The following ASTN2 variants were observed in gnomAD, a reference collection of about 807,000 sequenced individuals.
ASTN2 encodes astrotactin 2, also known as astrotactin-2.
In ASTN2, 54 loss-of-function variants were observed where a neutral mutation model predicts 139.8. The ratio of observed to expected loss-of-function variants is 0.39; its 90% CI spans 0.31 to 0.48. The LOEUF (loss-of-function observed/expected upper bound fraction) is 0.48, where lower values mean the gene tolerates loss of function less well. Ranked by LOEUF, ASTN2 falls within the 20% of genes least tolerant of loss-of-function variation. The pLI is 0.95. For synonymous variants in ASTN2, 756 were observed against 719.5 expected (o/e 1.05, Z -0.81); for missense variants, 1,565 against 1,725.1 (o/e 0.91, Z 1.64).
At chr9:117,231,162 A>T (rs1588113614) in intron 2 of ASTN2, among the ~76,000 whole-genome samples, 1 of 152,326 alleles carries the variant, frequency 6.6e-6, no homozygotes, top group East Asian at 1.9e-4. Context: ...CTTGTCTGTG[A>T]AGTGATGTTA....
chr9:116,509,182 T>C (rs1265399571), intron 19 of ASTN2, among the ~76,000 whole-genome samples: 2 of 152,140 alleles, frequency 1.3e-5, no homozygotes, highest in Non-Finnish European at 2.9e-5. Context: ...CGACAGGCCC[T>C]GGCGTGTGAT....
intron 1 of ASTN2, among the ~76,000 whole-genome samples, chr9:117,317,592 A>C (rs1054660471): frequency 1.3e-5 from 2 of 152,200 alleles, no homozygotes; most frequent in Non-Finnish European, 2.9e-5. Flanking sequence ...ACATCTCCAG[A>C]TACCCGGCTC....
intron 10 of ASTN2, among the ~76,000 whole-genome samples, chr9:116,950,334 G>A (rs553617739): frequency 2.6e-4 from 39 of 152,238 alleles, no homozygotes; most frequent in African/African-American, 8.4e-4. Context: ...TGTGATAAAG[G>A]AAGTAATTTT....
At chr9:116,640,676 C>T (rs905450856) in intron 17 of ASTN2, among the ~76,000 whole-genome samples, 13 of 152,170 alleles carry the variant, frequency 8.5e-5, no homozygotes, top group Admixed American at 3.3e-4. Context: ...GGTTTCCGCC[C>T]AAGCAGCCCC....
At chr9:117,080,839 C>T (rs1444088915) in intron 5 of ASTN2, among the ~76,000 whole-genome samples, 2 of 152,032 alleles carry the variant, frequency 1.3e-5, no homozygotes, top group Non-Finnish European at 2.9e-5. Flanking sequence ...ACCCCTGACA[C>T]CCCAGAGAAC....
chr9:116,473,833 C>T (rs1349292491), intron 20 of ASTN2, among the ~76,000 whole-genome samples: 3 of 151,368 alleles, frequency 2.0e-5, no homozygotes, highest in East Asian at 1.9e-4. Flanking sequence ...ACCCAGGAAG[C>T]GGAGGTTGCA....
In ASTN2 at chr9:117,369,954, TA is replaced by T. The variant is rs941093114; in HGVS notation, c.442+44542del. On this transcript the variant is annotated intron_variant, in intron 1 of 22. Transcript: ENST00000313400. ...GGCCCAGGTTGCCTCTTTATTACATTAAAAAAAAATTCATATTTGTCATGGC... is the reference window on the plus strand; with the variant it reads ...GGCCCAGGTTGCCTCTTTATTACATTAAAAAAAATTCATATTTGTCATGGC... Among the ~76,000 whole-genome samples, 141 of 151,666 alleles carry T rather than the reference TA, an allele frequency of 9.3e-4. 1 individual carries two copies. Among genetic ancestry groups the T allele is most frequent in the South Asian group, 8.4e-4 (4 of 4,776 alleles).
intron 2 of ASTN2, among the ~76,000 whole-genome samples, chr9:117,260,726 C>T (rs1354989605): frequency 1.3e-5 from 2 of 151,952 alleles, no homozygotes; most frequent in Non-Finnish European, 2.9e-5. Context: ...ACTGTGTGAC[C>T]TGGAGCCATC....
chr9:117,147,982 A>T (rs747332384), intron 3 of ASTN2, among the ~76,000 whole-genome samples: 1 of 152,160 alleles, frequency 6.6e-6, no homozygotes, highest in Non-Finnish European at 1.5e-5. Context: ...CTAGGCAAAG[A>T]GCCCTAGGAA....
At chr9:116,642,731 A>G (rs1190213556) in intron 17 of ASTN2, among the ~76,000 whole-genome samples, 1 of 152,156 alleles carries the variant, frequency 6.6e-6, no homozygotes, top group Non-Finnish European at 1.5e-5. Context: ...CCTTGCCATA[A>G]AATCAGTCCT....
chr9:117,375,682 C>T (rs1830103519), intron 1 of ASTN2, among the ~76,000 whole-genome samples: 1 of 152,174 alleles, frequency 6.6e-6, no homozygotes, highest in Non-Finnish European at 1.5e-5. Flanking sequence ...TTTAAGCCCA[C>T]CACTTAGTGA....
At chr9:116,942,117 A>G (rs1348810182) in intron 10 of ASTN2, among the ~76,000 whole-genome samples, 4 of 149,894 alleles carry the variant, frequency 2.7e-5, no homozygotes, top group Non-Finnish European at 5.9e-5. Flanking sequence ...CACACACACC[A>G]CACACACACA....
At chr9:116,630,854 T>G (rs560097423) in intron 17 of ASTN2, among the ~76,000 whole-genome samples, 1 of 151,104 alleles carries the variant, frequency 6.6e-6, no homozygotes, top group African/African-American at 2.4e-5. Context: ...AGCAAAAAAA[T>G]CCCAAAACAG....
intron 6 of ASTN2, among the ~76,000 whole-genome samples, chr9:117,011,979 TG>T (rs1224437850): frequency 6.6e-6 from 1 of 152,192 alleles, no homozygotes; most frequent in East Asian, 1.9e-4. Context: ...GGAGGGCTTT[TG>T]CTTTCTCTCA....
chr9:116,891,878 T>C (rs1309241287), intron 10 of ASTN2, among the ~76,000 whole-genome samples: 1 of 152,194 alleles, frequency 6.6e-6, no homozygotes, highest in Admixed American at 6.5e-5. Flanking sequence ...AATGAATTGA[T>C]ACAAACAAAG....
chr9:116,623,794 T>C (rs1856297973), intron 17 of ASTN2, among the ~76,000 whole-genome samples: 1 of 152,142 alleles, frequency 6.6e-6, no homozygotes, highest in African/African-American at 2.4e-5. Flanking sequence ...CTAAAGCCCA[T>C]TTGAATCCTT....
chr9:116,963,701 C>A (rs932339041), intron 10 of ASTN2, among the ~76,000 whole-genome samples: 8 of 152,298 alleles, frequency 5.3e-5, no homozygotes, highest in African/African-American at 1.9e-4. Context: ...CTCCTCCAAG[C>A]TCACTCTCAG....
intron 13 of ASTN2, among the ~76,000 whole-genome samples, chr9:116,753,404 G>A (rs927304308): frequency 6.6e-6 from 1 of 152,184 alleles, no homozygotes; most frequent in East Asian, 1.9e-4. Context: ...GGCAGTGAAA[G>A]TATTCTGTAT....
chr9:117,198,137 G>A lies in ASTN2; in HGVS notation c.1015+16221C>T, dbSNP rs117692012. Among the ~76,000 whole-genome samples the A allele has an allele frequency of 5.9e-5, 9 of 152,012 alleles. No homozygotes were observed. In the East Asian group the frequency reaches 1.7e-3, roughly 30 times the overall value. Reference sequence around the variant, plus strand: ...ACATAGGTATACATGTGCCTTGGTGGTTTGCTGTACCTATTGAGTGGTCCT... The same window carrying A: ...ACATAGGTATACATGTGCCTTGGTGATTTGCTGTACCTATTGAGTGGTCCT... On this transcript the variant is annotated intron_variant, in intron 3 of 22. Transcript: ENST00000313400.
Sources: gnomAD v4.1 joint callset for allele counts (sites outside exome capture counted in the v4.1 genomes callset) on GRCh38, gnomAD v4.1.1 for gene constraint, MANE v1.5 for transcripts, NCBI Gene and HGNC (gene_info 2026-07-23, HGNC 2026-07-21) for gene names.